Variants in WDR27 observed in about 807,000 individuals in gnomAD.
The protein encoded by WDR27 is WD repeat domain 27, also known as WD repeat-containing protein 27.
Under a neutral mutation model 114.4 loss-of-function variants are expected in WDR27, and 100 were observed. The ratio of observed to expected loss-of-function variants is 0.87; its 90% CI spans 0.74 to 1.03. The LOEUF (loss-of-function observed/expected upper bound fraction) is 1.03, where lower values mean the gene tolerates loss of function less well. Ranked by LOEUF, WDR27 falls within the 50% of genes least tolerant of loss-of-function variation. The pLI, the probability that WDR27 is intolerant of heterozygous loss-of-function variation, is 0.00. For missense variants in WDR27, 1,129 were observed against 1,092.9 expected (o/e 1.03, Z -0.47); for synonymous variants, 449 against 423.1 (o/e 1.06, Z -0.75).
At chr6:169,589,145 C>T (rs1397359506) in intron 23 of WDR27, among the ~76,000 whole-genome samples, 2 of 152,176 alleles carry the variant, frequency 1.3e-5, no homozygotes, top group African/African-American at 4.8e-5. Context: ...TGAGGATCCA[C>T]TCTTCAGAAC....
At chr6:169,587,371 A>C (rs995835558) in intron 23 of WDR27, among the ~76,000 whole-genome samples, 2 of 151,918 alleles carry the variant, frequency 1.3e-5, no homozygotes, top group Admixed American at 1.3e-4. Flanking sequence ...GGTGCCTAGC[A>C]CCACACGCGG....
In WDR27 at chr6:169,606,160, T is replaced by G. The variant is rs545618266; in HGVS notation, c.2322-3839A>C. Among the ~76,000 whole-genome samples the G allele has an allele frequency of 6.4e-4, 97 of 151,238 alleles. 3 individuals carry two copies. In the South Asian group the frequency reaches 0.02, roughly 31 times the overall value. On this transcript the variant is annotated intron_variant, in intron 22 of 25. Coordinates refer to ENST00000448612, the MANE Select transcript of WDR27 (RefSeq NM_182552.5). ...ACAGCAAAAGAAATAATCAACAGAG[T>G]GAATGGAAAACCTGCAGAATGGGGG...
intron 25 of WDR27, among the ~76,000 whole-genome samples, chr6:169,462,133 CA>C (rs113017864): frequency 0.016 from 2,190 of 140,070 alleles, 43 homozygotes; most frequent in African/African-American, 0.048. Flanking sequence ...AATCAGTAAC[CA>C]AAAAAAAAAA....
intron 25 of WDR27, among the ~76,000 whole-genome samples, chr6:169,493,475 G>A (rs1790026761): frequency 6.6e-6 from 1 of 152,038 alleles, no homozygotes; most frequent in Non-Finnish European, 1.5e-5. Flanking sequence ...TCTAACAGAA[G>A]TATCAAACTT....
intron 18 of WDR27, among the ~76,000 whole-genome samples, chr6:169,638,033 TTGGCCGGG>T (rs1818105033): frequency 7.3e-6 from 1 of 137,554 alleles, no homozygotes; most frequent in Non-Finnish European, 1.5e-5. Context: ...AAGAAACTAA[TTGGCCGGG>T]CGCGGTGGCT....
At chr6:169,698,062 AG>A (rs1786728344) in intron 1 of WDR27, among the ~76,000 whole-genome samples, 1 of 152,208 alleles carries the variant, frequency 6.6e-6, no homozygotes, top group South Asian at 2.1e-4. Flanking sequence ...AAGAGTTCAC[AG>A]AAACAATGGT....
chr6:169,678,701 C>T (rs147001122), intron 2 of WDR27, among the ~76,000 whole-genome samples: 69 of 152,284 alleles, frequency 4.5e-4, no homozygotes, highest in Middle Eastern at 3.4e-3. Context: ...TTATTTGACC[C>T]TTTCTATCGT....
intron 20 of WDR27, among the ~76,000 whole-genome samples, chr6:169,633,608 C>A (rs1463654917): frequency 6.6e-6 from 1 of 152,156 alleles, no homozygotes; most frequent in Non-Finnish European, 1.5e-5. Context: ...ACCACCAGCA[C>A]TCCCCAAGCC....
At chr6:169,667,059 T>C (rs1828024987) in intron 6 of WDR27, 77 bp downstream of exon 6, 1 of 1,404,504 alleles carries the variant, frequency 7.1e-7, no homozygotes, top group Non-Finnish European at 9.3e-7. Flanking sequence ...AGCTCCATCT[T>C]ATGCCCTGTA....
intron 25 of WDR27, among the ~76,000 whole-genome samples, chr6:169,498,025 A>C (rs1187030561): frequency 6.6e-6 from 1 of 152,222 alleles, no homozygotes; most frequent in Admixed American, 6.5e-5. Context: ...TGAATGGATG[A>C]GTATATAAGC....
At chr6:169,591,929 C>T (rs1043620114) in intron 23 of WDR27, among the ~76,000 whole-genome samples, 12 of 151,562 alleles carry the variant, frequency 7.9e-5, no homozygotes, top group Non-Finnish European at 1.8e-4. Flanking sequence ...ACCAGCTCTC[C>T]ACCCAGGGAG....
chr6:169,610,963 AG>A (rs1256982185), intron 22 of WDR27, among the ~76,000 whole-genome samples: 3 of 152,162 alleles, frequency 2.0e-5, no homozygotes, highest in Non-Finnish European at 4.4e-5. Flanking sequence ...CTCAGGTGGC[AG>A]GTGCACTAAA....
chr6:169,690,708 T>C (rs1784268111), intron 1 of WDR27, among the ~76,000 whole-genome samples: 1 of 152,186 alleles, frequency 6.6e-6, no homozygotes, highest in Non-Finnish European at 1.5e-5. Context: ...AAGAGCACTG[T>C]AGGGTGCTAC....
At chr6:169,623,233 A>C (rs1350640488) in intron 21 of WDR27, among the ~76,000 whole-genome samples, 4 of 152,226 alleles carry the variant, frequency 2.6e-5, no homozygotes, top group East Asian at 3.9e-4. Context: ...ACAAGAGGAC[A>C]GCTTTGACTC....
At chr6:169,498,486 A>G (rs550736131) in intron 25 of WDR27, among the ~76,000 whole-genome samples, 5 of 152,358 alleles carry the variant, frequency 3.3e-5, no homozygotes, top group East Asian at 3.9e-4. Context: ...GGAAGAAAAA[A>G]TAGATCAGGG....
At chr6:169,490,182 C>T (rs1039022246) in intron 25 of WDR27, among the ~76,000 whole-genome samples, 2 of 152,190 alleles carry the variant, frequency 1.3e-5, no homozygotes, top group African/African-American at 4.8e-5. Context: ...GAACTAGATT[C>T]AAGTAATCAT....
chr6:169,656,329 G>A (rs1398904629), intron 13 of WDR27, among the ~76,000 whole-genome samples: 1 of 152,186 alleles, frequency 6.6e-6, no homozygotes, highest in African/African-American at 2.4e-5. Context: ...AATCCCGTCT[G>A]TGGATTCATC....
At chr6:169,594,318 G>A (rs1308637036) in intron 23 of WDR27, among the ~76,000 whole-genome samples, 2 of 152,026 alleles carry the variant, frequency 1.3e-5, no homozygotes, top group African/African-American at 4.8e-5. Context: ...TTAATGTATT[G>A]AGCTTTTCTC....
At chr6:169,697,084 C>T (rs190980940) in intron 1 of WDR27, among the ~76,000 whole-genome samples, 6 of 152,234 alleles carry the variant, frequency 3.9e-5, no homozygotes, top group African/African-American at 4.8e-5. Flanking sequence ...AAAATCAGAA[C>T]GGTTATACCA....
Sources: gnomAD v4.1 joint callset for allele counts (sites outside exome capture counted in the v4.1 genomes callset) on GRCh38, gnomAD v4.1.1 for gene constraint, MANE v1.5 for transcripts, NCBI Gene and HGNC (gene_info 2026-07-23, HGNC 2026-07-21) for gene names.